Variants in LRPPRC observed in about 807,000 individuals in gnomAD.
LRPPRC encodes leucine rich pentatricopeptide repeat containing, also known as leucine-rich PPR motif-containing protein, mitochondrial.
A neutral mutation model predicts 180.3 loss-of-function variants in LRPPRC; 120 were observed. The observed-to-expected ratio is 0.67, with a 90% CI of 0.57 to 0.77. The LOEUF (loss-of-function observed/expected upper bound fraction) is 0.77, where lower values mean the gene tolerates loss of function less well. Among genes scored for constraint, LRPPRC ranks in the 30% least tolerant of loss-of-function variants. The pLI is 0.00. For synonymous variants in LRPPRC, 723 were observed against 600.0 expected, an observed-to-expected ratio of 1.21 and a Z score of -3.00; for missense variants, 2,012 against 1,657.2, an observed-to-expected ratio of 1.21 and a Z score of -3.72.
At chr2:43,926,346 G>A (rs1045087154) in intron 25 of LRPPRC, among the ~76,000 whole-genome samples, 6 of 151,944 alleles carry the variant, frequency 3.9e-5, no homozygotes, top group Non-Finnish European at 7.4e-5. Flanking sequence ...ACTAGAAAAC[G>A]TCAAATAAAA....
rs1670316096 is a variant in LRPPRC at position 43,887,677 on chromosome 2, C to T, written c.*923G>A. The stretch of plus-strand genomic sequence containing the variant: ...ACACCTTTTATAATGGCAAACTCTC[C>T]TGACTACCTATCTTAGAATTTTTTT... On this transcript the variant is annotated 3_prime_UTR_variant, in exon 38 of 38. Coordinates refer to ENST00000260665, the MANE Select transcript of LRPPRC (RefSeq NM_133259.4). 1 of 152,220 alleles carries T rather than the reference C, an allele frequency of 6.6e-6. No homozygotes were observed. The highest frequency in any genetic ancestry group is 2.4e-5 in the African/African-American group (1 of 41,462). 9.4% of individuals were successfully genotyped at this position (152,220 alleles called of 1,614,324 possible). A position where few individuals can be genotyped will look rare whatever the true frequency, so the allele number is the denominator to read the frequency against.
chr2:43,968,526 A>G (rs1046320706), intron 11 of LRPPRC, among the ~76,000 whole-genome samples: 2 of 152,238 alleles, frequency 1.3e-5, no homozygotes, highest in Non-Finnish European at 2.9e-5. Context: ...GGCTTAGATC[A>G]GTATGTCAAA....
chr2:43,887,670 A>G lies in LRPPRC; in HGVS notation c.*930T>C, dbSNP rs1344188029. ...TATTAAGACACCTTTTATAATGGCA[A>G]ACTCTCCTGACTACCTATCTTAGAA... On this transcript the variant is annotated 3_prime_UTR_variant, in exon 38 of 38. Coordinates refer to ENST00000260665, the MANE Select transcript of LRPPRC (RefSeq NM_133259.4). 1 of 152,218 alleles carries G rather than the reference A, an allele frequency of 6.6e-6. No homozygotes were observed. The highest frequency in any genetic ancestry group is 1.5e-5 in the Non-Finnish European group (1 of 68,020). The allele number at this position is 152,218 out of a possible 1,614,324, so 9.4% of individuals were successfully genotyped here. A position where few individuals can be genotyped will look rare whatever the true frequency, so the allele number is the denominator to read the frequency against.
At chr2:43,981,631 T>C (rs1159173334) in intron 2 of LRPPRC, among the ~76,000 whole-genome samples, 1 of 151,594 alleles carries the variant, frequency 6.6e-6, no homozygotes, top group Non-Finnish European at 1.5e-5. Flanking sequence ...CACTCCAGCC[T>C]GCTGGGCGAC....
chr2:43,988,476 C>A (rs1234248173), intron 1 of LRPPRC, among the ~76,000 whole-genome samples: 1 of 152,098 alleles, frequency 6.6e-6, no homozygotes, highest in Non-Finnish European at 1.5e-5. Flanking sequence ...GCAGAGGTTG[C>A]AGTGAGCCGA....
chr2:43,971,485 TA>T (rs528659622), intron 11 of LRPPRC, among the ~76,000 whole-genome samples: 18,047 of 61,862 alleles, frequency 0.29, 1,530 homozygotes, highest in East Asian at 0.47. Flanking sequence ...TGTGTCACAG[TA>T]AAAAAAAAAA....
chr2:43,987,412 G>C (rs1449596117), intron 1 of LRPPRC, among the ~76,000 whole-genome samples: 1 of 139,512 alleles, frequency 7.2e-6, no homozygotes, highest in Non-Finnish European at 1.5e-5. Context: ...GGAGAATGGC[G>C]TTAACCCAGG....
intron 24 of LRPPRC, 114 bp downstream of exon 24, chr2:43,934,640 A>G (rs1213136052): frequency 7.0e-6 from 6 of 854,590 alleles, no homozygotes; most frequent in South Asian, 1.7e-5. Context: ...ACAAGTATAA[A>G]GAAAGTTTAT....
intron 23 of LRPPRC, among the ~76,000 whole-genome samples, chr2:43,942,828 A>G (rs1176267249): frequency 6.6e-6 from 1 of 152,152 alleles, no homozygotes; most frequent in African/African-American, 2.4e-5. Context: ...AAAGAAATCT[A>G]AATTAGTATC....
chr2:43,943,533 T>A (rs1672565576), intron 23 of LRPPRC, among the ~76,000 whole-genome samples, 154 bp downstream of exon 23: 2 of 152,056 alleles, frequency 1.3e-5, no homozygotes, highest in South Asian at 4.1e-4. Context: ...CTAGTGATTT[T>A]AAAGGTCACC....
chr2:43,974,813 T>A (rs1559042724), intron 7 of LRPPRC, 55 bp from the exon 8 acceptor site: 10 of 1,539,614 alleles, frequency 6.5e-6, no homozygotes, highest in Non-Finnish European at 8.1e-6. Flanking sequence ...TATTTAAGTA[T>A]TAAAGCTAAA....
At chr2:43,956,596 G>GGGTATTACA (rs1264159474) in intron 14 of LRPPRC, among the ~76,000 whole-genome samples, 2 of 151,796 alleles carry the variant, frequency 1.3e-5, no homozygotes, top group Non-Finnish European at 2.9e-5. Context: ...TCTACACAAA[G>GGGTATTACA]GGTATTACAG....
chr2:43,920,687 A>T (rs557914181), intron 27 of LRPPRC, among the ~76,000 whole-genome samples: 76 of 114,878 alleles, frequency 6.6e-4, no homozygotes, highest in Non-Finnish European at 4.5e-4. Context: ...TTTGATTTAA[A>T]AAAAAAAAAA....
At chr2:43,988,329 G>A (rs375150105) in intron 1 of LRPPRC, among the ~76,000 whole-genome samples, 77 of 151,112 alleles carry the variant, frequency 5.1e-4, no homozygotes, top group African/African-American at 1.8e-3. Context: ...CTGAGGTCGG[G>A]AGTTCTAGAC....
chr2:43,994,021 A>G (rs13017251), intron 1 of LRPPRC, among the ~76,000 whole-genome samples: 56,142 of 151,976 alleles, frequency 0.37, 12,217 homozygotes, highest in Non-Finnish European at 0.5. Flanking sequence ...CACCCTTTCT[A>G]CTAAACTATG....
At chr2:43,908,404 A>T (rs1558917401) in intron 30 of LRPPRC, among the ~76,000 whole-genome samples, 1 of 152,230 alleles carries the variant, frequency 6.6e-6, no homozygotes, top group African/African-American at 2.4e-5. Flanking sequence ...TCCATGGCTT[A>T]TTGGGAAGGT....
chr2:43,953,737 T>A (rs1460984060), intron 14 of LRPPRC, among the ~76,000 whole-genome samples: 1 of 152,202 alleles, frequency 6.6e-6, no homozygotes, highest in Non-Finnish European at 1.5e-5. Flanking sequence ...AATAAAAATA[T>A]AAATAATCTG....
chr2:43,987,731 T>C (rs1674592541), intron 1 of LRPPRC, among the ~76,000 whole-genome samples: 1 of 152,172 alleles, frequency 6.6e-6, no homozygotes, highest in African/African-American at 2.4e-5. Flanking sequence ...CCTCTCTTCA[T>C]ACAACTGCCA....
chr2:43,901,986 T>G, intron 31 of LRPPRC: 1 of 158,646 alleles, frequency 6.3e-6, no homozygotes, highest in South Asian at 1.9e-4. Context: ...ATTGATCCTC[T>G]AGGATCAATG....
Sources: gnomAD v4.1 joint callset for allele counts (sites outside exome capture counted in the v4.1 genomes callset) on GRCh38, gnomAD v4.1.1 for gene constraint, MANE v1.5 for transcripts, NCBI Gene and HGNC (gene_info 2026-07-23, HGNC 2026-07-21) for gene names.